TMEM33: variants seen among roughly 807,000 people sequenced by gnomAD.
TMEM33 encodes the protein transmembrane protein 33.
TMEM33 carries 16 observed loss-of-function variants against 29.7 expected under a neutral mutation model. The observed-to-expected ratio is 0.54, with a 90% CI of 0.36 to 0.82. The LOEUF (loss-of-function observed/expected upper bound fraction) is 0.82, where lower values mean the gene tolerates loss of function less well. Ranked by LOEUF, TMEM33 falls within the 40% of genes least tolerant of loss-of-function variation. The pLI is 0.00. For missense variants in TMEM33, 252 were observed against 295.3 expected (o/e 0.85, Z 1.08); for synonymous variants, 112 against 109.4 (o/e 1.02, Z -0.15).
At chr4:41,948,246 A>G (rs1042811405) in intron 5 of TMEM33, among the ~76,000 whole-genome samples, 1 of 152,182 alleles carries the variant, frequency 6.6e-6, no homozygotes, top group South Asian at 2.1e-4. Context: ...ACACTTGTAT[A>G]TATACATTTC....
At position 41,954,906 on chromosome 4, in the gene TMEM33, C is replaced by CT. The variant is rs1215375093; in HGVS notation, c.*707_*708insT. 1 of 152,446 alleles carries CT rather than the reference C, an allele frequency of 6.6e-6. No individual in the cohort carries two copies. Among genetic ancestry groups the CT allele is most frequent in the African/African-American group, 2.4e-5 (1 of 41,436 alleles). 9.4% of individuals were successfully genotyped at this position (152,446 alleles called of 1,614,324 possible). A position where few individuals can be genotyped will look rare whatever the true frequency, so the allele number is the denominator to read the frequency against. On this transcript the variant is annotated 3_prime_UTR_variant, in exon 7 of 7. Transcript: ENST00000504986. Reference sequence around the variant, plus strand: ...TTGAAAGCAGAAAGCAGTAGTGACACAGCTTTCCCTTCAAAGAGCCATTGA... The same window carrying CT: ...TTGAAAGCAGAAAGCAGTAGTGACACTAGCTTTCCCTTCAAAGAGCCATTGA...
At chr4:41,945,526 T>C (rs1712745035) in intron 5 of TMEM33, among the ~76,000 whole-genome samples, 1 of 152,238 alleles carries the variant, frequency 6.6e-6, no homozygotes, top group Non-Finnish European at 1.5e-5. Context: ...GAATTCTTGC[T>C]GCAATTTTGT....
intron 6 of TMEM33, among the ~76,000 whole-genome samples, chr4:41,953,429 A>T (rs150242967): frequency 6.6e-6 from 1 of 152,330 alleles, no homozygotes; most frequent in Non-Finnish European, 1.5e-5. Context: ...CTGCTTTCTT[A>T]TCATTCATCC....
chr4:41,944,931 G>A lies in TMEM33; in HGVS notation c.530+5G>A, dbSNP rs1297564654. The A allele has an allele frequency of 6.2e-7, 1 of 1,606,348 alleles. No individual in the cohort carries two copies. The highest frequency in any genetic ancestry group is 1.3e-5 in the African/African-American group (1 of 74,210). On this transcript the variant is annotated splice_donor_5th_base_variant and intron_variant, in intron 5 of 6. Coordinates refer to ENST00000504986, the MANE Select transcript of TMEM33 (RefSeq NM_018126.3). ...GACAGTTTTTATGCTTTTTAGGTAA[G>A]GAAAAATTATATTTGTTTTGGGAGG...
At chr4:41,953,968 A>C in intron 6 of TMEM33, 102 bp from the exon 7 acceptor site, 1 of 1,460,928 alleles carries the variant, frequency 6.8e-7, no homozygotes, top group East Asian at 2.3e-5. Flanking sequence ...ACAAACCTTC[A>C]ATTTGTAAAA....
intron 3 of TMEM33, among the ~76,000 whole-genome samples, chr4:41,943,016 C>A (rs940732286): frequency 6.6e-6 from 1 of 152,178 alleles, no homozygotes; most frequent in Admixed American, 6.5e-5. Flanking sequence ...ACCTTAGACT[C>A]TTTCCTCAGC....
chr4:41,936,326 A>G (rs1371212499), intron 1 of TMEM33, among the ~76,000 whole-genome samples: 1 of 151,856 alleles, frequency 6.6e-6, no homozygotes, highest in Non-Finnish European at 1.5e-5. Context: ...GGATCGCTTG[A>G]GTTCAGGAGT....
intron 1 of TMEM33, among the ~76,000 whole-genome samples, chr4:41,937,055 ATT>A (rs78394595): frequency 2.1e-4 from 30 of 140,018 alleles, no homozygotes; most frequent in Admixed American, 3.6e-4. Flanking sequence ...AGATCTAGTG[ATT>A]TTTTTTTTTT....
upstream of TMEM33, chr4:41,935,183 C>T: frequency 5.7e-6 from 3 of 528,704 alleles, no homozygotes; most frequent in South Asian, 6.2e-5. Flanking sequence ...TAGGTTGGCT[C>T]TTTAGGGCTT....
chr4:41,937,042 C>A, intron 1 of TMEM33, among the ~76,000 whole-genome samples: 1 of 149,026 alleles, frequency 6.7e-6, no homozygotes, highest in Admixed American at 6.7e-5. Context: ...ATTTTTCACC[C>A]AAAGATCTAG....
chr4:41,946,069 C>G (rs930193508), intron 5 of TMEM33, among the ~76,000 whole-genome samples: 1 of 147,342 alleles, frequency 6.8e-6, no homozygotes, highest in African/African-American at 2.5e-5. Flanking sequence ...TTTGGCATAT[C>G]CAGTTCTGTT....
At chr4:41,949,439 T>C in intron 6 of TMEM33, 54 bp downstream of exon 6, 1 of 1,361,620 alleles carries the variant, frequency 7.3e-7, no homozygotes, top group Non-Finnish European at 1.0e-6. Flanking sequence ...ATTGTGAATA[T>C]ATAGTATTCG....
chr4:41,938,060 AGTT>A (rs1712332677), intron 1 of TMEM33, among the ~76,000 whole-genome samples: 1 of 152,230 alleles, frequency 6.6e-6, no homozygotes. Flanking sequence ...GAATGAGTTT[AGTT>A]GTTACTACTA....
intron 5 of TMEM33, among the ~76,000 whole-genome samples, chr4:41,948,300 G>T (rs900713069): frequency 2.0e-5 from 3 of 152,058 alleles, no homozygotes; most frequent in Non-Finnish European, 4.4e-5. Context: ...TGAGGAAGGG[G>T]CTAACTTGGA....
At chr4:41,938,881 GT>G (rs1712379385) in intron 2 of TMEM33, among the ~76,000 whole-genome samples, 185 bp downstream of exon 2, 1 of 152,162 alleles carries the variant, frequency 6.6e-6, no homozygotes, top group Non-Finnish European at 1.5e-5. Flanking sequence ...CTTGTGCTTT[GT>G]GAAACTAACA....
rs1374636872 is a variant in TMEM33 at position 41,957,871 on chromosome 4, C to A, written c.*3672C>A. The A allele has an allele frequency of 1.3e-5, 2 of 152,068 alleles. No homozygotes were observed. The highest frequency in any genetic ancestry group is 2.9e-5 in the Non-Finnish European group (2 of 68,026). The allele number at this position is 152,068 out of a possible 1,614,324, so 9.4% of individuals were successfully genotyped here. A position where few individuals can be genotyped will look rare whatever the true frequency, so the allele number is the denominator to read the frequency against. ...GGTGGCACTCTTTCCTCAGGTAGCC[C>A]CCCATTTTCACATGATGTGTTTGAA... On this transcript the variant is annotated 3_prime_UTR_variant, in exon 7 of 7. Transcript: ENST00000504986.
In TMEM33 at chr4:41,958,815, T is replaced by G. The variant is rs1186120592; in HGVS notation, c.*4616T>G. The G allele has an allele frequency of 1.3e-5, 2 of 151,066 alleles. No individual in the cohort carries two copies. The highest frequency in any genetic ancestry group is 4.9e-5 in the African/African-American group (2 of 40,734). The allele number at this position is 151,066 out of a possible 1,614,324, so 9.4% of individuals were successfully genotyped here. On this transcript the variant is annotated 3_prime_UTR_variant, in exon 7 of 7. Transcript: ENST00000504986. ...CCTCTGCCTCCTGGGTTAAAGCGAT[T>G]CTCATGCCTCAGCCTCCCTAGTAGC...
In TMEM33 at chr4:41,953,972, T is replaced by A. The variant is rs1458688399; in HGVS notation, c.615-98T>A. The A allele has an allele frequency of 2.0e-6, 3 of 1,490,244 alleles. No individual in the cohort carries two copies. The African/African-American group carries it at 4.2e-5, about 21-fold the overall frequency. 92.3% of individuals were successfully genotyped at this position (1,490,244 alleles called of 1,614,324 possible). ...GCGGTGTTGCAACAAACCTTCAATT[T>A]GTAAAAAATGAAATATCTATGGAGT... On this transcript the variant is annotated intron_variant, in intron 6 of 6. Transcript: ENST00000504986.
chr4:41,941,590 T>C (rs1712544608), intron 3 of TMEM33, among the ~76,000 whole-genome samples: 1 of 152,218 alleles, frequency 6.6e-6, no homozygotes, highest in African/African-American at 2.4e-5. Context: ...TCTGCCTTTT[T>C]ATACAGTTGG....
Sources: gnomAD v4.1 joint callset for allele counts (sites outside exome capture counted in the v4.1 genomes callset) on GRCh38, gnomAD v4.1.1 for gene constraint, MANE v1.5 for transcripts, NCBI Gene and HGNC (gene_info 2026-07-23, HGNC 2026-07-21) for gene names.